The following TOPAZ1 variants were observed in gnomAD, a reference collection of about 807,000 sequenced individuals.
The protein encoded by TOPAZ1 is testis and ovary specific TOPAZ 1.
Under a neutral mutation model 172.2 loss-of-function variants are expected in TOPAZ1, and 66 were observed. That is an observed-to-expected ratio of 0.38 (90% CI 0.31 to 0.47). The LOEUF (loss-of-function observed/expected upper bound fraction) is 0.47, where lower values mean the gene tolerates loss of function less well. Ranked by LOEUF, TOPAZ1 falls within the 20% of genes least tolerant of loss-of-function variation. TOPAZ1 has a pLI of 0.99. For synonymous variants in TOPAZ1, 681 were observed against 683.9 expected, an observed-to-expected ratio of 1.00 and a Z score of 0.07; for missense variants, 1,822 against 1,972.4, an observed-to-expected ratio of 0.92 and a Z score of 1.44.
chr3:44,267,755 C>A (rs1449640858), intron 6 of TOPAZ1, among the ~76,000 whole-genome samples: 2 of 152,010 alleles, frequency 1.3e-5, no homozygotes, highest in East Asian at 3.9e-4. Context: ...ATATTTTGAA[C>A]AAAATAGACT....
chr3:44,298,167 T>C (rs1037060468), intron 12 of TOPAZ1, among the ~76,000 whole-genome samples: 1 of 152,082 alleles, frequency 6.6e-6, no homozygotes, highest in African/African-American at 2.4e-5. Context: ...CTAAGACAAC[T>C]TTTAAAAAAG....
At chr3:44,294,553 G>T (rs972083885) in intron 12 of TOPAZ1, among the ~76,000 whole-genome samples, 6 of 152,074 alleles carry the variant, frequency 3.9e-5, no homozygotes, top group Admixed American at 3.9e-4. Flanking sequence ...GGAGTGCAGT[G>T]GTGCAATCAT....
chr3:44,326,391 T>C (rs1435673344), intron 18 of TOPAZ1, among the ~76,000 whole-genome samples: 1 of 152,232 alleles, frequency 6.6e-6, no homozygotes, highest in Admixed American at 6.5e-5. Context: ...GGTTTTCATA[T>C]CCCTAATAAC....
At chr3:44,273,236 T>G (rs1477852329) in intron 8 of TOPAZ1, among the ~76,000 whole-genome samples, 1 of 152,228 alleles carries the variant, frequency 6.6e-6, no homozygotes, top group African/African-American at 2.4e-5. Flanking sequence ...TTAAATTTAT[T>G]TTTTCTGAAG....
At chr3:44,249,053 C>T (rs147545444) in intron 2 of TOPAZ1, among the ~76,000 whole-genome samples, 6 of 152,192 alleles carry the variant, frequency 3.9e-5, no homozygotes, top group South Asian at 2.1e-4. Context: ...ATTGGTAAAA[C>T]GTTTGAAATA....
chr3:44,312,613 A>G (rs1290795748), intron 16 of TOPAZ1, among the ~76,000 whole-genome samples: 2 of 152,174 alleles, frequency 1.3e-5, no homozygotes, highest in African/African-American at 2.4e-5. Context: ...TCACTTTGAC[A>G]TTTCAAACTC....
chr3:44,324,812 C>T (rs1407076705), intron 18 of TOPAZ1, among the ~76,000 whole-genome samples: 1 of 152,180 alleles, frequency 6.6e-6, no homozygotes, highest in Non-Finnish European at 1.5e-5. Context: ...AGTCACTCCT[C>T]ATTCCTCCAA....
chr3:44,272,010 T>C (rs1699904437), intron 8 of TOPAZ1, among the ~76,000 whole-genome samples: 1 of 152,168 alleles, frequency 6.6e-6, no homozygotes, highest in Non-Finnish European at 1.5e-5. Context: ...GGCATTTGTC[T>C]TTCTGTACTT....
intron 4 of TOPAZ1, among the ~76,000 whole-genome samples, chr3:44,260,050 G>A (rs191282036): frequency 6.5e-4 from 99 of 152,246 alleles, no homozygotes; most frequent in African/African-American, 2.2e-3. Flanking sequence ...TTTTATTAGC[G>A]TTTGGTAGTT....
intron 16 of TOPAZ1, among the ~76,000 whole-genome samples, chr3:44,312,057 A>T: frequency 6.6e-6 from 1 of 152,154 alleles, no homozygotes; most frequent in Non-Finnish European, 1.5e-5. Context: ...AGGTATGCAT[A>T]TTAAATTATC....
chr3:44,248,808 C>T (rs1413036261), intron 2 of TOPAZ1, among the ~76,000 whole-genome samples: 1 of 152,178 alleles, frequency 6.6e-6, no homozygotes, highest in African/African-American at 2.4e-5. Context: ...AAACTCTGGA[C>T]TGCCCCTTTT....
Position 44,242,350 on chromosome 3 carries a change from C to G in TOPAZ1, c.297C>G (p.Gly99=), listed in dbSNP as rs1261279017. 6 of 1,552,300 alleles carry G rather than the reference C, an allele frequency of 3.9e-6. No homozygotes were observed. Among genetic ancestry groups the G allele is most frequent in the Non-Finnish European group, 5.2e-6 (6 of 1,147,126 alleles). Residue 99 remains glycine, a synonymous_variant, in exon 1 of 20, where the codon GGC becomes GGG. Transcript: ENST00000309765. ...VSPSDSSDPR[G]LEAAKEAELP... is the part of the protein sequence containing the mutation. ...CGTCAGACTCGTCAGACCCGCGAGG[C>G]CTAGAAGCAGCAAAGGAGGCTGAAC...
Position 44,309,860 on chromosome 3 carries a change from A to AGG in TOPAZ1, c.4176_4177insGG (p.Ile1393GlyfsTer7). On this transcript the variant is annotated frameshift_variant, in exon 16 of 20. Coordinates refer to ENST00000309765, the MANE Select transcript of TOPAZ1 (RefSeq NM_001145030.2). LOFTEE classifies it high-confidence loss of function. ...TCTTAGAGAAACTATATGAATTAAA[A>AGG]ATACACTTTACAAGTTTAAAAGGAC... is the stretch of plus-strand genomic sequence containing the variant. 2 of 1,539,588 alleles carry AGG rather than the reference A, an allele frequency of 1.3e-6. No individual in the cohort carries two copies. Among genetic ancestry groups the AGG allele is most frequent in the Non-Finnish European group, 1.8e-6 (2 of 1,139,486 alleles).
rs553237839 is a variant in TOPAZ1, at chr3:44,246,130, G to A, written c.2765+859G>A. Among the ~76,000 whole-genome samples the A allele has an allele frequency of 3.3e-5, 5 of 152,214 alleles. 1 individual carries two copies. The highest frequency in any genetic ancestry group is 1.9e-4 in the East Asian group (1 of 5,188). On this transcript the variant is annotated intron_variant, in intron 2 of 19. Transcript: ENST00000309765. ...GAGATAAACAGCATAAAATTTATTCGTGGTTTTACTTTTAAGGCAATGGTT... is the reference window on the plus strand; with the variant it reads ...GAGATAAACAGCATAAAATTTATTCATGGTTTTACTTTTAAGGCAATGGTT...
intron 5 of TOPAZ1, among the ~76,000 whole-genome samples, chr3:44,264,984 G>GT (rs1482267368): frequency 6.6e-5 from 10 of 152,166 alleles, no homozygotes; most frequent in Admixed American, 2.0e-4. Context: ...CAACTAAAGT[G>GT]TTTAACCCCT....
chr3:44,275,528 T>C (rs551434874), intron 8 of TOPAZ1, among the ~76,000 whole-genome samples: 2 of 152,202 alleles, frequency 1.3e-5, no homozygotes, highest in African/African-American at 4.8e-5. Context: ...GACTACATGA[T>C]TTCATTCTTT....
Position 44,244,532 on chromosome 3 carries a change from G to C in TOPAZ1, c.2026G>C (p.Val676Leu). The change falls in exon 2 of 20, where the codon GTT (valine) becomes CTT (leucine). Residue 676 changes from valine to leucine, a missense_variant. Val to Leu is a conservative substitution (Grantham distance 32). Around this residue, in one of 2 missense-constraint regions of TOPAZ1, gnomAD observed 1,489 missense variants for 1,490.8 expected, o/e 1.00. Coordinates refer to ENST00000309765, the MANE Select transcript of TOPAZ1 (RefSeq NM_001145030.2). ...ACAAACATTTATAGTTCCAGACTTG[G>C]TTAAAATATTGAACACAGGACGGCT... ...AQQTFIVPDL[V>L]KILNTGRLTN... The C allele has an allele frequency of 6.4e-7, 1 of 1,550,990 alleles. No homozygotes were observed. Among genetic ancestry groups the C allele is most frequent in the East Asian group, 2.4e-5 (1 of 40,904 alleles).
At position 44,305,294 on chromosome 3, in the gene TOPAZ1, A is replaced by G. The variant is rs1700322123; in HGVS notation, c.4012A>G (p.Ile1338Val). The change falls in exon 14 of 20, where the codon ATT becomes GTT. Residue 1338 changes from isoleucine (I) to valine (V), a missense_variant. Ile to Val is a conservative substitution (Grantham distance 29, BLOSUM62 3). Around this residue, in one of 2 missense-constraint regions of TOPAZ1, gnomAD observed 333 missense variants for 481.7 expected, o/e 0.69. Coordinates refer to ENST00000309765, the MANE Select transcript of TOPAZ1 (RefSeq NM_001145030.2). The stretch of plus-strand genomic sequence containing the variant: ...AAACTATGAAGATGAAAGACCAGAT[A>G]TTCCCTTTTGTGAATTTGCTGAAAC... Reference protein sequence around the residue: ...TKNYEDERPDIPFCEFAETVS... With the variant: ...TKNYEDERPDVPFCEFAETVS... 6.5e-7 allele frequency: 1 copy of G among 1,541,484 alleles called. No individual in the cohort carries two copies. Among genetic ancestry groups the G allele is most frequent in the Non-Finnish European group, 8.7e-7 (1 of 1,144,534 alleles).
chr3:44,327,558 A>G (rs1700613697), intron 18 of TOPAZ1, among the ~76,000 whole-genome samples: 1 of 152,210 alleles, frequency 6.6e-6, no homozygotes, highest in South Asian at 2.1e-4. Flanking sequence ...ACTTAGCACA[A>G]TGCCAGACAT....
Sources: allele counts gnomAD v4.1 joint callset (sites outside exome capture counted in the v4.1 genomes callset), GRCh38; gene constraint gnomAD v4.1.1; regional missense constraint gnomAD v4.1.1; transcripts MANE v1.5; gene names NCBI Gene and HGNC (gene_info 2026-07-23, HGNC 2026-07-21).